Variants in ELOVL6 observed in about 807,000 individuals in gnomAD.
ELOVL6 encodes the protein ELOVL fatty acid elongase 6.
Under a neutral mutation model 31.7 loss-of-function variants are expected in ELOVL6, and 8 were observed. That is an observed-to-expected ratio of 0.25 (90% CI 0.15 to 0.45). The LOEUF (loss-of-function observed/expected upper bound fraction) is 0.45. ELOVL6 is among the 20% of genes least tolerant of loss of function. The pLI is 1.00. For synonymous variants in ELOVL6, 101 were observed against 117.7 expected (o/e 0.86, Z 0.92); for missense variants, 126 against 326.4 (o/e 0.39, Z 4.73).
At chr4:110,183,801 G>C (rs936710193) in intron 1 of ELOVL6, among the ~76,000 whole-genome samples, 7 of 152,062 alleles carry the variant, frequency 4.6e-5, no homozygotes, top group African/African-American at 1.7e-4. Context: ...GGGCAACGTG[G>C]GGAAATCCCA....
chr4:110,137,790 G>T, intron 1 of ELOVL6, among the ~76,000 whole-genome samples: 1 of 152,112 alleles, frequency 6.6e-6, no homozygotes, highest in East Asian at 1.9e-4. Flanking sequence ...AATTGGCTAC[G>T]GAACTCCAGC....
In ELOVL6 at chr4:110,169,795, TTTTC is replaced by T. The variant is rs200008631; in HGVS notation, c.89+28448_89+28451del. 4.7e-4 allele frequency among the ~76,000 whole-genome samples: 70 copies of T among 150,118 alleles called. No individual in the cohort carries two copies. The East Asian group carries it at 4.8e-3, about 10-fold the overall frequency. On this transcript the variant is annotated intron_variant, in intron 1 of 3. Coordinates refer to ENST00000302274, the MANE Select transcript of ELOVL6 (RefSeq NM_024090.3). ...TATATTCATTTTATATTTAGTTTTCTTTTCTTTCTTTCTTTTTTTTTTTTTTTGA... is the reference window on the plus strand; with the variant it reads ...TATATTCATTTTATATTTAGTTTTCTTTTCTTTCTTTTTTTTTTTTTTTGA...
chr4:110,198,079 C>A lies in ELOVL6; in HGVS notation c.89+168G>T, dbSNP rs926629740. 11 of 560,840 alleles carry A rather than the reference C, an allele frequency of 2.0e-5. 3 individuals carry two copies. The highest frequency in any genetic ancestry group is 7.9e-5 in the African/African-American group (4 of 50,618). The allele number at this position is 560,840 out of a possible 1,614,324, so 34.7% of individuals were successfully genotyped here. On this transcript the variant is annotated intron_variant, in intron 1 of 3. Coordinates refer to ENST00000302274, the MANE Select transcript of ELOVL6 (RefSeq NM_024090.3). The stretch of plus-strand genomic sequence containing the variant: ...ACAGACCTCGCGCTTCATGTACCCC[C>A]CCCCCCCCAGCGTCTCCTGCACCCG...
chr4:110,114,136 A>C (rs1757112524), intron 1 of ELOVL6, among the ~76,000 whole-genome samples: 1 of 152,136 alleles, frequency 6.6e-6, no homozygotes. Flanking sequence ...ACTGTACTAT[A>C]ATTCTGAAAT....
chr4:110,091,693 T>C (rs936339303), intron 2 of ELOVL6, among the ~76,000 whole-genome samples: 6 of 152,194 alleles, frequency 3.9e-5, no homozygotes, highest in African/African-American at 1.4e-4. Flanking sequence ...GCTACATTAA[T>C]CACCCCGCAT....
At chr4:110,057,609 G>A (rs1039449399) in intron 3 of ELOVL6, among the ~76,000 whole-genome samples, 1 of 152,018 alleles carries the variant, frequency 6.6e-6, no homozygotes, top group Admixed American at 6.6e-5. Flanking sequence ...CTAGCACTTT[G>A]GGAGGCCGAG....
At chr4:110,158,659 T>A (rs57914862) in intron 1 of ELOVL6, among the ~76,000 whole-genome samples, 10,938 of 42,018 alleles carry the variant, frequency 0.26, 457 homozygotes, top group East Asian at 0.34. Context: ...ATATATATAT[T>A]TTTTTTTTTT....
intron 2 of ELOVL6, among the ~76,000 whole-genome samples, chr4:110,084,566 A>ATATT (rs1756173554): frequency 0.011 from 391 of 37,022 alleles, 10 homozygotes; most frequent in African/African-American, 0.034. Context: ...ACACACAGAT[A>ATATT]TATATATATA....
At position 110,123,977 on chromosome 4, in the gene ELOVL6, G is replaced by T. The variant is rs1055108595; in HGVS notation, c.90-18349C>A. ...TCAATAACTAAAATCTTCTTTAAAA[G>T]GTAACTATAAATCTTAGTTACCAAG... On this transcript the variant is annotated intron_variant, in intron 1 of 3. Transcript: ENST00000302274. 7.2e-5 allele frequency among the ~76,000 whole-genome samples: 11 copies of T among 152,180 alleles called. No homozygotes were observed. In the South Asian group the frequency reaches 2.3e-3, roughly 32 times the overall value.
chr4:110,048,822 C>T lies in ELOVL6; in HGVS notation c.*2516G>A, dbSNP rs1754764049. The T allele has an allele frequency of 2.6e-5, 4 of 152,146 alleles. No homozygotes were observed. The South Asian group carries it at 8.3e-4, about 32-fold the overall frequency. 9.4% of individuals were successfully genotyped at this position (152,146 alleles called of 1,614,324 possible). ...GACATTCACCCTGTAAACAAAAATT[C>T]CAAATTATTTTACAAGTAAAGACAA... On this transcript the variant is annotated 3_prime_UTR_variant, in exon 4 of 4. Coordinates refer to ENST00000302274, the MANE Select transcript of ELOVL6 (RefSeq NM_024090.3).
chr4:110,061,549 CTTTTTTTTTTTTT>C (rs57846282), intron 2 of ELOVL6, among the ~76,000 whole-genome samples: 3 of 72,366 alleles, frequency 4.1e-5, no homozygotes, highest in Non-Finnish European at 7.8e-5. Flanking sequence ...CAAATGATGG[CTTTTTTTTTTTTT>C]TTTTTTTTTT....
intron 2 of ELOVL6, among the ~76,000 whole-genome samples, chr4:110,084,311 A>ATAAATTTGATATATATC (rs1756101037): frequency 9.2e-6 from 1 of 108,748 alleles, no homozygotes; most frequent in African/African-American, 3.4e-5. Context: ...TATAACATAT[A>ATAAATTTGATATATATC]ACATATATAA....
At chr4:110,084,963 A>T (rs1300035094) in intron 2 of ELOVL6, among the ~76,000 whole-genome samples, 1 of 152,086 alleles carries the variant, frequency 6.6e-6, no homozygotes, top group East Asian at 1.9e-4. Flanking sequence ...CAGGGTGGAT[A>T]ATGACACTAG....
At chr4:110,071,214 A>C (rs191139420) in intron 2 of ELOVL6, among the ~76,000 whole-genome samples, 1 of 152,198 alleles carries the variant, frequency 6.6e-6, no homozygotes, top group Non-Finnish European at 1.5e-5. Context: ...TCATTAACCT[A>C]AAGATCCATT....
chr4:110,146,138 A>C (rs1263137426), intron 1 of ELOVL6, among the ~76,000 whole-genome samples: 3 of 152,220 alleles, frequency 2.0e-5, no homozygotes, highest in African/African-American at 7.2e-5. Flanking sequence ...ACTGCTGTTA[A>C]AAACAGACAC....
intron 2 of ELOVL6, among the ~76,000 whole-genome samples, chr4:110,076,297 C>T (rs183375759): frequency 3.0e-4 from 45 of 152,214 alleles, no homozygotes; most frequent in East Asian, 2.3e-3. Flanking sequence ...AAGCATGAGA[C>T]GGTGCAGCTG....
chr4:110,079,048 A>C (rs971730719), intron 2 of ELOVL6, among the ~76,000 whole-genome samples: 2 of 152,216 alleles, frequency 1.3e-5, no homozygotes, highest in African/African-American at 4.8e-5. Context: ...AACTATCCTA[A>C]ATATATATGC....
intron 1 of ELOVL6, among the ~76,000 whole-genome samples, chr4:110,142,220 G>A (rs144359545): frequency 1.6e-4 from 25 of 151,630 alleles, no homozygotes; most frequent in Admixed American, 2.6e-4. Flanking sequence ...ACAGGTGCCC[G>A]CCACCACACC....
At chr4:110,086,560 C>T (rs1051151028) in intron 2 of ELOVL6, among the ~76,000 whole-genome samples, 6 of 152,072 alleles carry the variant, frequency 3.9e-5, no homozygotes, top group Non-Finnish European at 8.8e-5. Flanking sequence ...GCTTCTAAAC[C>T]ACTCTCCCTC....
Sources: allele counts gnomAD v4.1 joint callset (sites outside exome capture counted in the v4.1 genomes callset), GRCh38; gene constraint gnomAD v4.1.1; transcripts MANE v1.5; gene names NCBI Gene and HGNC (gene_info 2026-07-23, HGNC 2026-07-21).